RPS6KA5: variants seen among roughly 807,000 people sequenced by gnomAD.
RPS6KA5 encodes the protein ribosomal protein S6 kinase A5.
A neutral mutation model predicts 85.5 loss-of-function variants in RPS6KA5; 27 were observed. That is an observed-to-expected ratio of 0.32 (90% CI 0.23 to 0.44). The LOEUF is 0.44. RPS6KA5 is among the 20% of genes least tolerant of loss of function. RPS6KA5 has a pLI of 1.00. For missense variants in RPS6KA5, 811 were observed against 980.9 expected (o/e 0.83, Z 2.31); for synonymous variants, 334 against 348.2 (o/e 0.96, Z 0.46).
intron 1 of RPS6KA5, chr14:91,059,976 CG>C: frequency 1.1e-6 from 1 of 940,698 alleles, no homozygotes; most frequent in Non-Finnish European, 1.3e-6. Context: ...CGGAGGCAGG[CG>C]CACCTTTCGC....
chr14:90,950,512 T>C (rs996562905), intron 3 of RPS6KA5, among the ~76,000 whole-genome samples: 5 of 152,240 alleles, frequency 3.3e-5, no homozygotes, highest in African/African-American at 1.2e-4. Context: ...TTAAGCATTA[T>C]GTTGGCTCTT....
intron 1 of RPS6KA5, among the ~76,000 whole-genome samples, chr14:91,044,963 G>T (rs951419630): frequency 6.6e-6 from 1 of 151,858 alleles, no homozygotes; most frequent in Non-Finnish European, 1.5e-5. Flanking sequence ...GGAACCTTGG[G>T]GAACAAATAC....
chr14:90,967,308 A>G (rs2039115180), intron 3 of RPS6KA5, among the ~76,000 whole-genome samples: 2 of 152,326 alleles, frequency 1.3e-5, no homozygotes, highest in South Asian at 4.1e-4. Context: ...CAAAATATTA[A>G]TATAAATAAT....
chr14:90,969,670 T>TCCAAACAC (rs2039232226), intron 3 of RPS6KA5, among the ~76,000 whole-genome samples: 1 of 152,176 alleles, frequency 6.6e-6, no homozygotes. Flanking sequence ...GCTTTCACTC[T>TCCAAACAC]CCAAACACCC....
rs986536378 is a variant in RPS6KA5 at position 90,921,632 on chromosome 14, T to C, written c.703-1323A>G. Among the ~76,000 whole-genome samples the C allele has an allele frequency of 4.6e-5, 7 of 152,344 alleles. No individual in the cohort carries two copies. In the South Asian group the frequency reaches 1.4e-3, roughly 32 times the overall value. On this transcript the variant is annotated intron_variant, in intron 6 of 16. Transcript: ENST00000614987. ...TTTGAGTCAGAACCCTCAGAATGTT[T>C]TGCTGTTGGATTTGAAACCACATTA...
intron 7 of RPS6KA5, among the ~76,000 whole-genome samples, chr14:90,916,977 GA>G (rs2036153030): frequency 6.6e-6 from 1 of 152,120 alleles, no homozygotes; most frequent in Admixed American, 6.6e-5. Context: ...CAGTGGAAAG[GA>G]AAATTATTTT....
chr14:91,043,813 C>T (rs1325845818), intron 1 of RPS6KA5, among the ~76,000 whole-genome samples: 1 of 152,212 alleles, frequency 6.6e-6, no homozygotes, highest in Non-Finnish European at 1.5e-5. Context: ...CCCAATGACC[C>T]TAGCCTTTGT....
intron 11 of RPS6KA5, 94 bp downstream of exon 11, chr14:90,900,014 C>T (rs1366289898): frequency 2.8e-6 from 3 of 1,084,296 alleles, no homozygotes; most frequent in Non-Finnish European, 3.7e-6. Flanking sequence ...GAAAGTCTTA[C>T]AATATAATAC....
At chr14:90,912,904 C>CTTTTTTTTTTTT (rs57029403) in intron 7 of RPS6KA5, among the ~76,000 whole-genome samples, 3 of 53,288 alleles carry the variant, frequency 5.6e-5, no homozygotes, top group Admixed American at 3.2e-4. Flanking sequence ...CATAAAGCAT[C>CTTTTTTTTTTTT]TTTTTTTTTT....
chr14:91,053,314 G>C (rs1456785860), intron 1 of RPS6KA5, among the ~76,000 whole-genome samples: 1 of 152,228 alleles, frequency 6.6e-6, no homozygotes, highest in African/African-American at 2.4e-5. Context: ...AAGGATGTCT[G>C]CTCTTGCAAG....
At chr14:90,974,385 G>A (rs1214733604) in intron 3 of RPS6KA5, among the ~76,000 whole-genome samples, 15 of 152,196 alleles carry the variant, frequency 9.9e-5, no homozygotes, top group Admixed American at 9.8e-4. Flanking sequence ...ACAAACAGCT[G>A]TAAAGCATAA....
At position 91,060,442 on chromosome 14, in the gene RPS6KA5, T is replaced by C; in HGVS notation, c.-8A>G. 1 of 1,447,954 alleles carries C rather than the reference T, an allele frequency of 6.9e-7. No homozygotes were observed. 89.7% of individuals were successfully genotyped at this position (1,447,954 alleles called of 1,614,324 possible). ...GCCACCCTCCTCCTCCATCTTCTCC[T>C]TTTTTTCCGATCCCGCGGGTCGCTA... is the stretch of plus-strand genomic sequence containing the variant. On this transcript the variant is annotated 5_prime_UTR_variant, in exon 1 of 17. Coordinates refer to ENST00000614987, the MANE Select transcript of RPS6KA5 (RefSeq NM_004755.4).
Position 90,855,807 on chromosome 14 carries a change from C to A in RPS6KA5, c.*16267G>T, listed in dbSNP as rs1344870130. On this transcript the variant is annotated 3_prime_UTR_variant, in exon 17 of 17. Transcript: ENST00000614987. Reference sequence around the variant, plus strand: ...TATTTTTAGTAAAGACGGGGTTTCACCGTGTTAGCCAGGATGGTCTCGATC... The same window carrying A: ...TATTTTTAGTAAAGACGGGGTTTCAACGTGTTAGCCAGGATGGTCTCGATC... 6.6e-6 allele frequency: 1 copy of A among 152,084 alleles called. No homozygotes were observed. The highest frequency in any genetic ancestry group is 1.5e-5 in the Non-Finnish European group (1 of 68,112). The allele number at this position is 152,084 out of a possible 1,614,324, so 9.4% of individuals were successfully genotyped here. A position where few individuals can be genotyped will look rare whatever the true frequency, so the allele number is the denominator to read the frequency against.
At chr14:90,879,685 G>T (rs1335486517) in intron 14 of RPS6KA5, among the ~76,000 whole-genome samples, 1 of 152,028 alleles carries the variant, frequency 6.6e-6, no homozygotes, top group Admixed American at 6.6e-5. Context: ...GCACCCTTGG[G>T]ATTATGCTCT....
intron 5 of RPS6KA5, among the ~76,000 whole-genome samples, chr14:90,932,392 G>A (rs137894273): frequency 4.6e-5 from 7 of 152,080 alleles, no homozygotes; most frequent in Middle Eastern, 3.4e-3. Flanking sequence ...CTCCTACCTC[G>A]GCCTCCCAAA....
intron 14 of RPS6KA5, among the ~76,000 whole-genome samples, chr14:90,885,425 C>T (rs1201020539): frequency 2.0e-5 from 3 of 148,898 alleles, no homozygotes; most frequent in Middle Eastern, 3.5e-3. Flanking sequence ...TAGTGGCGGG[C>T]GCCTGTAGTC....
chr14:90,871,979 C>A lies in RPS6KA5; in HGVS notation c.*95G>T. On this transcript the variant is annotated 3_prime_UTR_variant, in exon 17 of 17. Transcript: ENST00000614987. ...CATTAGGAGGCAGATTCCAATGAGACCAACGGGAAACATTTTTAAAAGCAT... is the reference window on the plus strand; with the variant it reads ...CATTAGGAGGCAGATTCCAATGAGAACAACGGGAAACATTTTTAAAAGCAT... 6.8e-7 allele frequency: 1 copy of A among 1,477,114 alleles called. No homozygotes were observed. The highest frequency in any genetic ancestry group is 2.3e-5 in the Admixed American group (1 of 44,008). The allele number at this position is 1,477,114 out of a possible 1,614,324, so 91.5% of individuals were successfully genotyped here.
Position 91,048,102 on chromosome 14 carries a change from TC to T in RPS6KA5, c.103+12229del, listed in dbSNP as rs1434598753. On this transcript the variant is annotated intron_variant, in intron 1 of 16. Transcript: ENST00000614987. ...GGTTCCAGGGATTAGGATGTGGGTA[TC>T]TTGGGGGAGTGGTCATTATTCAGCC... Among the ~76,000 whole-genome samples, 3 of 152,200 alleles carry T rather than the reference TC, an allele frequency of 2.0e-5. No homozygotes were observed. In the East Asian group the frequency reaches 5.8e-4, roughly 29 times the overall value.
chr14:90,947,421 A>C lies in RPS6KA5; in HGVS notation c.510+14T>G. On this transcript the variant is annotated intron_variant, in intron 4 of 16. Coordinates refer to ENST00000614987, the MANE Select transcript of RPS6KA5 (RefSeq NM_004755.4). ...AGACTTCAGAAAAGAAACCTGAAAA[A>C]TGAAGAGTCTTACCTTGTGGAGATG... 6.9e-7 allele frequency: 1 copy of C among 1,443,708 alleles called. No homozygotes were observed. The highest frequency in any genetic ancestry group is 9.7e-7 in the Non-Finnish European group (1 of 1,034,464). 89.4% of individuals were successfully genotyped at this position (1,443,708 alleles called of 1,614,324 possible). A position where few individuals can be genotyped will look rare whatever the true frequency, so the allele number is the denominator to read the frequency against.
Sources: allele counts gnomAD v4.1 joint callset (sites outside exome capture counted in the v4.1 genomes callset), GRCh38; gene constraint gnomAD v4.1.1; transcripts MANE v1.5; gene names NCBI Gene and HGNC (gene_info 2026-07-23, HGNC 2026-07-21).